Variants in PTPN13 observed in about 807,000 individuals in gnomAD.
PTPN13 encodes tyrosine-protein phosphatase non-receptor type 13.
A neutral mutation model predicts 284.0 loss-of-function variants in PTPN13; 191 were observed. That is an observed-to-expected ratio of 0.67 (90% CI 0.60 to 0.76). The LOEUF is 0.76. Among genes scored for constraint, PTPN13 ranks in the 30% least tolerant of loss-of-function variants. The pLI is 0.00. For synonymous variants in PTPN13, 986 were observed against 1,022.3 expected (o/e 0.96, Z 0.68); for missense variants, 2,797 against 2,939.9 (o/e 0.95, Z 1.12).
Position 86,787,800 on chromosome 4 carries a change from G to A in PTPN13, c.6345+1864G>A, listed in dbSNP as rs529127373. Among the ~76,000 whole-genome samples, 6 of 152,212 alleles carry A rather than the reference G, an allele frequency of 3.9e-5. No individual in the cohort carries two copies. The East Asian group carries it at 1.2e-3, about 29-fold the overall frequency. On this transcript the variant is annotated intron_variant, in intron 40 of 47. Transcript: ENST00000411767. ...TCATTACCCTCTTTCCATGTGAGAC[G>A]TATAAATTTGCCTCATACTTTTTAA... is the stretch of plus-strand genomic sequence containing the variant.
intron 1 of PTPN13, among the ~76,000 whole-genome samples, chr4:86,622,446 A>G (rs190754732): frequency 3.3e-5 from 5 of 152,270 alleles, no homozygotes; most frequent in African/African-American, 1.2e-4. Flanking sequence ...AACTTTACCT[A>G]TTTGCTGTGA....
At chr4:86,683,175 T>C (rs1729084244) in intron 3 of PTPN13, among the ~76,000 whole-genome samples, 1 of 151,052 alleles carries the variant, frequency 6.6e-6, no homozygotes, top group Non-Finnish European at 1.5e-5. Context: ...GTGTGTGTAT[T>C]TGTATGTATA....
At chr4:86,672,855 G>A (rs764486438) in intron 3 of PTPN13, among the ~76,000 whole-genome samples, 1 of 152,194 alleles carries the variant, frequency 6.6e-6, no homozygotes, top group Non-Finnish European at 1.5e-5. Context: ...TGATTAACAT[G>A]TACAGAACAA....
intron 2 of PTPN13, among the ~76,000 whole-genome samples, 154 bp downstream of exon 2, chr4:86,635,525 A>C (rs1228956366): frequency 6.6e-6 from 1 of 152,220 alleles, no homozygotes; most frequent in East Asian, 1.9e-4. Flanking sequence ...TTTAGGGCTG[A>C]AAAAGCTCAG....
chr4:86,768,570 C>T (rs995106508), intron 28 of PTPN13, among the ~76,000 whole-genome samples: 2 of 151,986 alleles, frequency 1.3e-5, no homozygotes, highest in Non-Finnish European at 2.9e-5. Context: ...TTTTATTTTA[C>T]ACAAACGTTA....
intron 7 of PTPN13, among the ~76,000 whole-genome samples, chr4:86,710,843 A>C (rs1408360918): frequency 6.6e-6 from 1 of 152,202 alleles, no homozygotes; most frequent in African/African-American, 2.4e-5. Context: ...AATTATGGTA[A>C]AATAGTACTA....
At chr4:86,787,063 C>T (rs992318969) in intron 40 of PTPN13, among the ~76,000 whole-genome samples, 4 of 150,872 alleles carry the variant, frequency 2.7e-5, no homozygotes, top group East Asian at 2.0e-4. Context: ...GAGATCATGC[C>T]GTTGCACTCC....
intron 12 of PTPN13, 41 bp from the exon 13 acceptor site, chr4:86,734,262 A>C (rs1565443382): frequency 7.3e-7 from 1 of 1,361,608 alleles, no homozygotes. Flanking sequence ...ACACTAAAGT[A>C]TTTTTTTATT....
chr4:86,685,980 G>A (rs1296523460), intron 3 of PTPN13, among the ~76,000 whole-genome samples: 1 of 152,122 alleles, frequency 6.6e-6, no homozygotes, highest in African/African-American at 2.4e-5. Context: ...AATAAACAGT[G>A]CTTTAACCAC....
At chr4:86,702,596 C>G (rs1464875126) in intron 7 of PTPN13, among the ~76,000 whole-genome samples, 1 of 151,904 alleles carries the variant, frequency 6.6e-6, no homozygotes, top group South Asian at 2.1e-4. Context: ...AAAACTGTTT[C>G]AAAAATACTT....
intron 2 of PTPN13, among the ~76,000 whole-genome samples, chr4:86,648,184 G>T (rs1288347010): frequency 6.6e-6 from 1 of 151,956 alleles, no homozygotes; most frequent in African/African-American, 2.4e-5. Flanking sequence ...AGGGTAGCTG[G>T]GTTATTCATC....
In PTPN13 at chr4:86,726,949, T is replaced by C. The variant is rs558389600; in HGVS notation, c.1608+4515T>C. On this transcript the variant is annotated intron_variant, in intron 10 of 47. Transcript: ENST00000411767. ...ATTTAGTATGATATTGGCTGTGGGT[T>C]TGTCGTAAATAGCATTTATTATTTT... Among the ~76,000 whole-genome samples, 45 of 149,598 alleles carry C rather than the reference T, an allele frequency of 3.0e-4. 2 individuals are homozygous for C. Among genetic ancestry groups the C allele is most frequent in the Middle Eastern group, 6.9e-3 (2 of 290 alleles).
intron 9 of PTPN13, 42 bp downstream of exon 9, chr4:86,717,159 A>C: frequency 7.6e-7 from 1 of 1,320,994 alleles, no homozygotes; most frequent in Non-Finnish European, 1.1e-6. Context: ...TCCAGTGACC[A>C]GTGTTTGTTT....
At chr4:86,806,881 T>G (rs1744718000) in intron 44 of PTPN13, among the ~76,000 whole-genome samples, 1 of 152,210 alleles carries the variant, frequency 6.6e-6, no homozygotes, top group Admixed American at 6.5e-5. Context: ...CAGTGAATGA[T>G]AGCTTGTACA....
At chr4:86,598,879 C>T (rs1382232453) in intron 1 of PTPN13, among the ~76,000 whole-genome samples, 2 of 152,136 alleles carry the variant, frequency 1.3e-5, no homozygotes, top group Non-Finnish European at 2.9e-5. Context: ...ATCCCTCCGC[C>T]TCAGCATCCT....
At position 86,811,018 on chromosome 4, in the gene PTPN13, C is replaced by CT. The variant is rs764170052; in HGVS notation, c.7300-27dup. On this transcript the variant is annotated intron_variant, in intron 46 of 47. Transcript: ENST00000411767. The stretch of plus-strand genomic sequence containing the variant: ...ATTCAAATCCAGTTATCCTTTGAAT[C>CT]TAACACATATGTGGTTTCCTCTGAC... 4 of 1,598,972 alleles carry CT rather than the reference C, an allele frequency of 2.5e-6. No homozygotes were observed. The African/African-American group carries it at 4.0e-5, about 16-fold the overall frequency.
rs989902 is a variant in PTPN13 at position 86,785,353 on chromosome 4, T to G, written c.6241T>G (p.Tyr2081Asp). 0.43 allele frequency: 682,995 copies of G among 1,603,776 alleles called. 152,871 individuals carry two copies. The highest frequency in any genetic ancestry group is 0.79 in the African/African-American group (58,707 of 74,738). ...NLLNENNAAG[Y>D]SCGPGTLKMN... ...TTTAAACGAAAATAATGCAGCAGGATACTCCTGTGGTCCAGGTACGTGAAC... is the reference window on the plus strand; with the variant it reads ...TTTAAACGAAAATAATGCAGCAGGAGACTCCTGTGGTCCAGGTACGTGAAC... The change falls in exon 39 of 48, where the codon TAC (tyrosine) becomes GAC (aspartate). Residue 2081 changes from tyrosine to aspartate, a missense_variant. Transcript: ENST00000411767.
chr4:86,739,889 C>T (rs1735965211), intron 15 of PTPN13, among the ~76,000 whole-genome samples: 1 of 152,174 alleles, frequency 6.6e-6, no homozygotes, highest in African/African-American at 2.4e-5. Flanking sequence ...TATACAGGTC[C>T]CACGCAAGTC....
In PTPN13 at chr4:86,718,455, C is replaced by CTTTTTTTTTTTTTTTTTTTTTTT. The variant is rs796389778; in HGVS notation, c.1385+1351_1385+1352insTTTTTTTTTTTTTTTTTTTTTTT. On this transcript the variant is annotated intron_variant, in intron 9 of 47. Transcript: ENST00000411767. ...AAATTATTCTTTAGTTAATGGTCCA[C>CTTTTTTTTTTTTTTTTTTTTTTT]TTTTTTTTTTTTTGAGACAGAGTCT... is the stretch of plus-strand genomic sequence containing the variant. 7.0e-3 allele frequency among the ~76,000 whole-genome samples: 974 copies of CTTTTTTTTTTTTTTTTTTTTTTT among 139,824 alleles called. 33 individuals are homozygous for CTTTTTTTTTTTTTTTTTTTTTTT. The highest frequency in any genetic ancestry group is 0.012 in the Non-Finnish European group (738 of 62,528). 91.7% of individuals were successfully genotyped at this position (139,824 alleles called of 152,430 possible). A position where few individuals can be genotyped will look rare whatever the true frequency, so the allele number is the denominator to read the frequency against.
Sources: gnomAD v4.1 joint callset for allele counts (sites outside exome capture counted in the v4.1 genomes callset) on GRCh38, gnomAD v4.1.1 for gene constraint, MANE v1.5 for transcripts, NCBI Gene and HGNC (gene_info 2026-07-23, HGNC 2026-07-21) for gene names.